The following IRGQ variants were observed in gnomAD, a reference collection of about 807,000 sequenced individuals.
IRGQ encodes the protein immunity related GTPase Q.
Under a neutral mutation model 10.5 loss-of-function variants are expected in IRGQ, and 5 were observed. The observed-to-expected ratio is 0.48, with a 90% CI of 0.25 to 1.00. The LOEUF is 1.00. Among genes scored for constraint, IRGQ ranks in the 50% least tolerant of loss-of-function variants. The probability of loss-of-function intolerance (pLI) is 0.16; values close to 1 mark genes in which losing one functional copy is unlikely to be tolerated. For synonymous variants in IRGQ, 418 were observed against 426.0 expected (o/e 0.98, Z 0.23); for missense variants, 792 against 877.7 (o/e 0.90, Z 1.23).
rs1568527857 is a variant in IRGQ, at chr19:43,592,767, C to T, written c.1131G>A (p.Ser377=). ...SKGREKCSAG[S]QKAGSGEGPG... Reference sequence around the variant, plus strand: ...GACCTTCCCCGCTGCCTGCTTTCTGCGATCCAGCGCTACATTTCTCCCTTC... The same window carrying T: ...GACCTTCCCCGCTGCCTGCTTTCTGTGATCCAGCGCTACATTTCTCCCTTC... Residue 377 remains serine (S), a synonymous_variant, in exon 3 of 3, where the codon TCG becomes TCA. Transcript: ENST00000422989. The T allele has an allele frequency of 1.2e-6, 2 of 1,613,282 alleles. No individual in the cohort carries two copies. The highest frequency in any genetic ancestry group is 1.3e-5 in the African/African-American group (1 of 74,942).
In IRGQ at chr19:43,591,862, A is replaced by G; in HGVS notation, c.*164T>C. The G allele has an allele frequency of 5.7e-6, 4 of 697,472 alleles. No individual in the cohort carries two copies. In the East Asian group the frequency reaches 1.2e-4, roughly 20 times the overall value. The allele number at this position is 697,472 out of a possible 1,614,324, so 43.2% of individuals were successfully genotyped here. A position where few individuals can be genotyped will look rare whatever the true frequency, so the allele number is the denominator to read the frequency against. ...TTCGTCTCACAAAAAAAAGAAAAAA[A>G]AAAAAAAAAATCAGGATTCCTGTCC... On this transcript the variant is annotated 3_prime_UTR_variant, in exon 3 of 3. Coordinates refer to ENST00000422989, the MANE Select transcript of IRGQ (RefSeq NM_001007561.3).
chr19:43,593,390 G>A lies in IRGQ; in HGVS notation c.531-23C>T. 1 of 1,494,030 alleles carries A rather than the reference G, an allele frequency of 6.7e-7. No individual in the cohort carries two copies. The highest frequency in any genetic ancestry group is 2.3e-5 in the East Asian group (1 of 43,528). 92.5% of individuals were successfully genotyped at this position (1,494,030 alleles called of 1,614,324 possible). Reference sequence around the variant, plus strand: ...AGCCTGTGGGGACAAGAAGGGACAGGGTCAAAGGTAGAAGAGGGGCTGGGT... The same window carrying A: ...AGCCTGTGGGGACAAGAAGGGACAGAGTCAAAGGTAGAAGAGGGGCTGGGT... On this transcript the variant is annotated intron_variant, in intron 2 of 2. Coordinates refer to ENST00000422989, the MANE Select transcript of IRGQ (RefSeq NM_001007561.3). This position sits in a 1 kb window ranked among gnomAD's most constrained non-coding sequence, Gnocchi z 6.4.
In IRGQ at chr19:43,593,516, T is replaced by A. The variant is rs1479757403; in HGVS notation, c.531-149A>T. On this transcript the variant is annotated intron_variant, in intron 2 of 2. Coordinates refer to ENST00000422989, the MANE Select transcript of IRGQ (RefSeq NM_001007561.3). The surrounding 1 kb of genome is among the most constrained non-coding windows in gnomAD (Gnocchi z 6.4). ...AGGGCCAGACTGATGGCACAGCAAA[T>A]AGAAACCAGATAGGGAGAGGCAGTG... is the stretch of plus-strand genomic sequence containing the variant. 1.5e-6 allele frequency: 1 copy of A among 669,820 alleles called. No homozygotes were observed. Among genetic ancestry groups the A allele is most frequent in the Non-Finnish European group, 2.2e-6 (1 of 455,614 alleles). 41.5% of individuals were successfully genotyped at this position (669,820 alleles called of 1,614,324 possible). A position where few individuals can be genotyped will look rare whatever the true frequency, so the allele number is the denominator to read the frequency against.
chr19:43,587,874 C>G lies in IRGQ; in HGVS notation c.*4152G>C, dbSNP rs1220492090. ...TGAGCCGAGATTGTGCCACTGCACT[C>G]CAGCCTGGGCAACAAAGCGAAGCAC... On this transcript the variant is annotated 3_prime_UTR_variant, in exon 3 of 3. Transcript: ENST00000422989. 1 of 151,580 alleles carries G rather than the reference C, an allele frequency of 6.6e-6. No homozygotes were observed. The highest frequency in any genetic ancestry group is 6.6e-5 in the Admixed American group (1 of 15,210). The allele number at this position is 151,580 out of a possible 1,614,324, so 9.4% of individuals were successfully genotyped here.
chr19:43,595,093 C>A lies in IRGQ; in HGVS notation c.246G>T (p.Leu82=). The A allele has an allele frequency of 6.2e-7, 1 of 1,610,342 alleles. No individual in the cohort carries two copies. ...GTTCCCCGTTCCCCTCGGGTCCGGG[C>A]AGCACCAGTACCAGCACGTTGGCTT... The part of the protein sequence containing the change: ...AAEANVLVLV[L]PGPEGNGEPL... The change falls in exon 2 of 3, where the codon CTG becomes CTT. Residue 82 remains leucine (L), a synonymous_variant. Coordinates refer to ENST00000422989, the MANE Select transcript of IRGQ (RefSeq NM_001007561.3).
Position 43,593,377 on chromosome 19 carries a change from C to T in IRGQ, c.531-10G>A. On this transcript the variant is annotated splice_polypyrimidine_tract_variant and intron_variant, in intron 2 of 2. Coordinates refer to ENST00000422989, the MANE Select transcript of IRGQ (RefSeq NM_001007561.3). The surrounding 1 kb of genome is among the most constrained non-coding windows in gnomAD (Gnocchi z 6.4). ...CGCCGGTGGCAGGAGCCTGTGGGGA[C>T]AAGAAGGGACAGGGTCAAAGGTAGA... The T allele has an allele frequency of 6.7e-7, 1 of 1,503,686 alleles. No individual in the cohort carries two copies. The highest frequency in any genetic ancestry group is 1.4e-5 in the South Asian group (1 of 73,436). 93.1% of individuals were successfully genotyped at this position (1,503,686 alleles called of 1,614,324 possible). A position where few individuals can be genotyped will look rare whatever the true frequency, so the allele number is the denominator to read the frequency against.
rs1251968609 is a variant in IRGQ at position 43,593,294 on chromosome 19, C to CA, written c.603dup (p.Glu202Ter). Reference sequence around the variant, plus strand: ...AGCGCAGCCTCAAGGCCGCCGGTCTCAAAGGCCTCACGCACAGCCTCTAGC... The same window carrying CA: ...AGCGCAGCCTCAAGGCCGCCGGTCTCAAAAGGCCTCACGCACAGCCTCTAGC... On this transcript the variant is annotated frameshift_variant, in exon 3 of 3. Coordinates refer to ENST00000422989, the MANE Select transcript of IRGQ (RefSeq NM_001007561.3). LOFTEE classifies it low-confidence loss of function (END_TRUNC). The surrounding 1 kb of genome is among the most constrained non-coding windows in gnomAD (Gnocchi z 6.4). 5 of 1,588,438 alleles carry CA rather than the reference C, an allele frequency of 3.1e-6. No individual in the cohort carries two copies. The highest frequency in any genetic ancestry group is 4.3e-6 in the Non-Finnish European group (5 of 1,166,596).
chr19:43,594,605 G>A (rs1237088577), intron 2 of IRGQ, among the ~76,000 whole-genome samples: 3 of 152,110 alleles, frequency 2.0e-5, no homozygotes, highest in Non-Finnish European at 2.9e-5. Context: ...AGGCTGAGGC[G>A]GGAGTATTGC....
rs1973006078 is a variant in IRGQ, at chr19:43,587,403, C to T, written c.*4623G>A. 6.6e-6 allele frequency: 1 copy of T among 152,076 alleles called. No individual in the cohort carries two copies. The highest frequency in any genetic ancestry group is 1.5e-5 in the Non-Finnish European group (1 of 68,018). 9.4% of individuals were successfully genotyped at this position (152,076 alleles called of 1,614,324 possible). On this transcript the variant is annotated 3_prime_UTR_variant, in exon 3 of 3. Transcript: ENST00000422989. ...CATCTTTACTTAAAAAAAAAATGGA[C>T]ACCCATCTCAGTTTTTGGAAAACTA...
rs778914750 is a variant in IRGQ, at chr19:43,595,029, G to A, written c.310C>T (p.Leu104=). Residue 104 remains leucine, a synonymous_variant, in exon 2 of 3, where the codon CTG becomes TTG. Coordinates refer to ENST00000422989, the MANE Select transcript of IRGQ (RefSeq NM_001007561.3). ...PALGEAALAA[L]ARGTPLLAVR... The stretch of plus-strand genomic sequence containing the variant: ...GCCAGTAGCGGGGTCCCTCGGGCCA[G>A]GGCGGCCAGCGCTGCCTCTCCCAGG... The A allele has an allele frequency of 2.9e-5, 46 of 1,613,060 alleles. No individual in the cohort carries two copies. Among genetic ancestry groups the A allele is most frequent in the Non-Finnish European group, 3.6e-5 (43 of 1,179,784 alleles).
Position 43,586,235 on chromosome 19 carries a change from C to A in IRGQ, c.*5791G>T, listed in dbSNP as rs1228459357. The stretch of plus-strand genomic sequence containing the variant: ...ACACACTTCAGTGGCGGCCAGTGAT[C>A]TGTCTACAAGGGAGTCTTAGTCTTT... On this transcript the variant is annotated 3_prime_UTR_variant, in exon 3 of 3. Transcript: ENST00000422989. The A allele has an allele frequency of 2.0e-5, 3 of 152,172 alleles. No individual in the cohort carries two copies. Among genetic ancestry groups the A allele is most frequent in the African/African-American group, 7.2e-5 (3 of 41,428 alleles). 9.4% of individuals were successfully genotyped at this position (152,172 alleles called of 1,614,324 possible).
rs756432923 is a variant in IRGQ, at chr19:43,595,108, C to A, written c.231G>T (p.Val77=). Reference sequence around the variant, plus strand: ...CGGGTCCGGGCAGCACCAGTACCAGCACGTTGGCTTCCGCCGCCCAGGGCC... The same window carrying A: ...CGGGTCCGGGCAGCACCAGTACCAGAACGTTGGCTTCCGCCGCCCAGGGCC... The part of the protein sequence containing the change: ...APGPWAAEAN[V]LVLVLPGPEG... Residue 77 remains valine (V), a synonymous_variant, in exon 2 of 3, where the codon GTG becomes GTT. Coordinates refer to ENST00000422989, the MANE Select transcript of IRGQ (RefSeq NM_001007561.3). 6.2e-7 allele frequency: 1 copy of A among 1,605,108 alleles called. No homozygotes were observed. The highest frequency in any genetic ancestry group is 8.5e-7 in the Non-Finnish European group (1 of 1,174,982).
At position 43,589,300 on chromosome 19, in the gene IRGQ, A is replaced by G. The variant is rs1484661807; in HGVS notation, c.*2726T>C. 1 of 152,204 alleles carries G rather than the reference A, an allele frequency of 6.6e-6. No individual in the cohort carries two copies. Among genetic ancestry groups the G allele is most frequent in the Non-Finnish European group, 1.5e-5 (1 of 68,048 alleles). The allele number at this position is 152,204 out of a possible 1,614,324, so 9.4% of individuals were successfully genotyped here. Reference sequence around the variant, plus strand: ...TCTAAATTCCAATCCTAGTTCTGACACTGACCAATGAAATAAACATTTAGG... The same window carrying G: ...TCTAAATTCCAATCCTAGTTCTGACGCTGACCAATGAAATAAACATTTAGG... On this transcript the variant is annotated 3_prime_UTR_variant, in exon 3 of 3. Transcript: ENST00000422989.
chr19:43,592,688 C>G lies in IRGQ; in HGVS notation c.1210G>C (p.Gly404Arg). Reference protein sequence around the residue: ...LQQVVGMKKSGGGDSERAAAL... With the variant: ...LQQVVGMKKSRGGDSERAAAL... ...GCGGCCCGCTCTGAGTCGCCACCAC[C>G]TGATTTCTTCATGCCGACAACCTGC... Residue 404 changes from glycine (G) to arginine (R), a missense_variant, in exon 3 of 3, where the codon GGT becomes CGT. Coordinates refer to ENST00000422989, the MANE Select transcript of IRGQ (RefSeq NM_001007561.3). 6.2e-7 allele frequency: 1 copy of G among 1,608,196 alleles called. No homozygotes were observed. Among genetic ancestry groups the G allele is most frequent in the Non-Finnish European group, 8.5e-7 (1 of 1,179,990 alleles).
In IRGQ at chr19:43,596,129, T is replaced by G. The variant is rs1973136107; in HGVS notation, c.-150A>C. ...ATGCCGGGACCCGTCCCGGTAGCTTTAACCTGACGTCACTCCCTCTCCCAA... is the reference window on the plus strand; with the variant it reads ...ATGCCGGGACCCGTCCCGGTAGCTTGAACCTGACGTCACTCCCTCTCCCAA... On this transcript the variant is annotated 5_prime_UTR_variant, in exon 1 of 3. Transcript: ENST00000422989. 1 of 152,178 alleles carries G rather than the reference T, an allele frequency of 6.6e-6. No individual in the cohort carries two copies. The highest frequency in any genetic ancestry group is 2.1e-4 in the South Asian group (1 of 4,834). The allele number at this position is 152,178 out of a possible 1,614,324, so 9.4% of individuals were successfully genotyped here. A position where few individuals can be genotyped will look rare whatever the true frequency, so the allele number is the denominator to read the frequency against.
At position 43,587,018 on chromosome 19, in the gene IRGQ, A is replaced by G. The variant is rs989120104; in HGVS notation, c.*5008T>C. 5 of 152,230 alleles carry G rather than the reference A, an allele frequency of 3.3e-5. No homozygotes were observed. Among genetic ancestry groups the G allele is most frequent in the Admixed American group, 1.3e-4 (2 of 15,290 alleles). The allele number at this position is 152,230 out of a possible 1,614,324, so 9.4% of individuals were successfully genotyped here. The stretch of plus-strand genomic sequence containing the variant: ...ACTGCCAATGAAACATAGAATTTTA[A>G]GTTGTATTTACTTTTAATTGAACAG... On this transcript the variant is annotated 3_prime_UTR_variant, in exon 3 of 3. Coordinates refer to ENST00000422989, the MANE Select transcript of IRGQ (RefSeq NM_001007561.3).
chr19:43,593,465 A>G lies in IRGQ; in HGVS notation c.531-98T>C. On this transcript the variant is annotated intron_variant, in intron 2 of 2. Coordinates refer to ENST00000422989, the MANE Select transcript of IRGQ (RefSeq NM_001007561.3). The surrounding 1 kb of genome is among the most constrained non-coding windows in gnomAD (Gnocchi z 6.4). ...AGGGCAGAGCTTTCCTAATGATCCC[A>G]GAATGGGGCAGGGGTAGGAAAGGGA... 1 of 1,265,270 alleles carries G rather than the reference A, an allele frequency of 7.9e-7. No individual in the cohort carries two copies. The highest frequency in any genetic ancestry group is 1.0e-6 in the Non-Finnish European group (1 of 958,812). The allele number at this position is 1,265,270 out of a possible 1,614,324, so 78.4% of individuals were successfully genotyped here. A position where few individuals can be genotyped will look rare whatever the true frequency, so the allele number is the denominator to read the frequency against.
Position 43,592,853 on chromosome 19 carries a change from G to T in IRGQ, c.1045C>A (p.Pro349Thr). The T allele has an allele frequency of 6.2e-7, 1 of 1,613,948 alleles. No individual in the cohort carries two copies. Residue 349 changes from proline (P) to threonine (T), a missense_variant, in exon 3 of 3, where the codon CCC becomes ACC. Physicochemically the swap from Pro to Thr is conservative, Grantham distance 38 (BLOSUM62 -1). Transcript: ENST00000422989. ...GCGTTCTTTAAGCTCTCGCCCTTGG[G>T]ATTCTCCATCTTGCCTTCTCCCAGA... The part of the protein sequence containing the change: ...ECLGEGKMEN[P>T]KGESLKNAGG...
Position 43,592,244 on chromosome 19 carries a change from T to TGGGAAATGAG in IRGQ, c.1653_1654insCTCATTTCCC (p.Thr552LeufsTer59). On this transcript the variant is annotated frameshift_variant, in exon 3 of 3. Transcript: ENST00000422989. LOFTEE classifies it high-confidence loss of function. ...AGTCTTGCTTCCACCTCGGCGCGCG[T>TGGGAAATGAG]CACCGGGCCTGGGAAATGAGCGCGC... The TGGGAAATGAG allele has an allele frequency of 6.3e-7, 1 of 1,579,282 alleles. No homozygotes were observed. The highest frequency in any genetic ancestry group is 8.5e-7 in the Non-Finnish European group (1 of 1,170,514).
Sources: gnomAD v4.1 joint callset for allele counts (sites outside exome capture counted in the v4.1 genomes callset) on GRCh38, gnomAD v4.1.1 for gene constraint, Gnocchi (gnomAD v3.1) non-coding constraint, MANE v1.5 for transcripts, NCBI Gene and HGNC (gene_info 2026-07-23, HGNC 2026-07-21) for gene names.